ROBO1: variants seen among roughly 807,000 people sequenced by gnomAD.
ROBO1 encodes roundabout homolog 1.
In ROBO1, 149 loss-of-function variants were observed where a neutral mutation model predicts 195.9. That is an observed-to-expected ratio of 0.76 (90% CI 0.67 to 0.87). ROBO1 has a LOEUF of 0.87. Ranked by LOEUF, ROBO1 falls within the 40% of genes least tolerant of loss-of-function variation. ROBO1 has a pLI of 0.00. For missense variants in ROBO1, 1,933 were observed against 2,068.3 expected (o/e 0.93, Z 1.27); for synonymous variants, 816 against 733.2 (o/e 1.11, Z -1.82).
chr3:78,916,602 G>GT (rs1447397790), intron 4 of ROBO1, among the ~76,000 whole-genome samples: 1 of 150,596 alleles, frequency 6.6e-6, no homozygotes. Context: ...AAGCAATACT[G>GT]TTTTTTTATT....
intron 2 of ROBO1, among the ~76,000 whole-genome samples, chr3:79,525,973 A>G (rs2107596098): frequency 6.6e-6 from 1 of 152,278 alleles, no homozygotes; most frequent in African/African-American, 2.4e-5. Flanking sequence ...TAAAGATAAG[A>G]GTATGCAACT....
At chr3:79,036,233 C>A (rs1576596151) in intron 3 of ROBO1, among the ~76,000 whole-genome samples, 1 of 151,932 alleles carries the variant, frequency 6.6e-6, no homozygotes, top group Admixed American at 6.6e-5. Context: ...TCTTTCTTTT[C>A]TCTTCTTTAC....
intron 2 of ROBO1, among the ~76,000 whole-genome samples, chr3:79,154,063 T>C (rs2080816832): frequency 1.3e-5 from 2 of 151,868 alleles, no homozygotes; most frequent in African/African-American, 2.4e-5. Flanking sequence ...CTTTAACAAT[T>C]TCTTTCTCTA....
intron 4 of ROBO1, among the ~76,000 whole-genome samples, chr3:78,765,177 T>C (rs2108389297): frequency 6.6e-6 from 1 of 152,248 alleles, no homozygotes; most frequent in East Asian, 1.9e-4. Flanking sequence ...AGTTTCTATA[T>C]GCAGATCATG....
chr3:78,613,366 G>A (rs1406792538), intron 28 of ROBO1, among the ~76,000 whole-genome samples: 3 of 152,142 alleles, frequency 2.0e-5, no homozygotes, highest in Non-Finnish European at 2.9e-5. Context: ...ATGCCATTCT[G>A]GTGGTCCCAT....
intron 2 of ROBO1, among the ~76,000 whole-genome samples, chr3:79,139,380 C>T (rs1257243153): frequency 1.3e-5 from 2 of 151,998 alleles, no homozygotes; most frequent in Non-Finnish European, 1.5e-5. Flanking sequence ...ATTTTAAAAC[C>T]ATTTGTTTCC....
chr3:79,341,210 T>C (rs1461208257), intron 2 of ROBO1, among the ~76,000 whole-genome samples: 1 of 152,190 alleles, frequency 6.6e-6, no homozygotes, highest in African/African-American at 2.4e-5. Context: ...AAATGGAATT[T>C]CTGGTAGAGT....
intron 2 of ROBO1, among the ~76,000 whole-genome samples, chr3:79,498,073 C>CA (rs1939846487): frequency 6.6e-6 from 1 of 151,996 alleles, no homozygotes; most frequent in Non-Finnish European, 1.5e-5. Flanking sequence ...TTAGAATGAC[C>CA]AACACAGTAT....
chr3:79,355,998 G>A (rs577395454), intron 2 of ROBO1, among the ~76,000 whole-genome samples: 5 of 152,064 alleles, frequency 3.3e-5, no homozygotes, highest in South Asian at 4.2e-4. Context: ...TCATTTTTAC[G>A]CTTAAAAACT....
At chr3:78,796,924 A>G (rs1268733950) in intron 4 of ROBO1, among the ~76,000 whole-genome samples, 2 of 152,130 alleles carry the variant, frequency 1.3e-5, no homozygotes, top group Non-Finnish European at 2.9e-5. Flanking sequence ...ATGATTTGTA[A>G]TTTGACCCTT....
chr3:78,626,756 TACACACACAC>T (rs10608986), intron 26 of ROBO1, among the ~76,000 whole-genome samples: 96 of 146,546 alleles, frequency 6.6e-4, no homozygotes, highest in Non-Finnish European at 1.0e-3. Context: ...AGCACACACA[TACACACACAC>T]ACACACACAC....
At chr3:78,633,067 G>A (rs150190193) in intron 24 of ROBO1, among the ~76,000 whole-genome samples, 1 of 152,160 alleles carries the variant, frequency 6.6e-6, no homozygotes, top group Non-Finnish European at 1.5e-5. Context: ...AGGGAAAACT[G>A]TAAAATGCAA....
intron 1 of ROBO1, among the ~76,000 whole-genome samples, chr3:79,632,251 T>C (rs1050992561): frequency 1.3e-5 from 2 of 152,060 alleles, no homozygotes; most frequent in Non-Finnish European, 2.9e-5. Flanking sequence ...CAGCAATTGA[T>C]TGGAAAAAGA....
intron 8 of ROBO1, chr3:78,692,932 T>A (rs535206486): frequency 1.5e-4 from 24 of 158,286 alleles, no homozygotes; most frequent in Non-Finnish European, 2.6e-4. Context: ...ACAATAGTTA[T>A]AAAAACTCAG....
chr3:79,685,879 G>A (rs958506069), intron 1 of ROBO1, among the ~76,000 whole-genome samples: 1 of 152,104 alleles, frequency 6.6e-6, no homozygotes, highest in African/African-American at 2.4e-5. Flanking sequence ...TATGAGGCCA[G>A]CATCATCCTG....
chr3:79,096,476 C>A (rs2079568710), intron 3 of ROBO1, among the ~76,000 whole-genome samples: 1 of 151,600 alleles, frequency 6.6e-6, no homozygotes, highest in African/African-American at 2.4e-5. Flanking sequence ...TGATTTTACC[C>A]AAATATGTAA....
intron 3 of ROBO1, among the ~76,000 whole-genome samples, chr3:79,026,438 G>A (rs2078204892): frequency 6.6e-6 from 1 of 151,932 alleles, no homozygotes; most frequent in Non-Finnish European, 1.5e-5. Flanking sequence ...TTCATTTTGG[G>A]ACTCAATTCA....
At chr3:79,314,351 A>T (rs1482459098) in intron 2 of ROBO1, among the ~76,000 whole-genome samples, 1 of 152,154 alleles carries the variant, frequency 6.6e-6, no homozygotes, top group Non-Finnish European at 1.5e-5. Flanking sequence ...GTGGGAGGTC[A>T]TTGAATCATG....
intron 4 of ROBO1, among the ~76,000 whole-genome samples, chr3:78,755,374 TG>T (rs2082902930): frequency 6.6e-6 from 1 of 152,100 alleles, no homozygotes; most frequent in East Asian, 1.9e-4. Flanking sequence ...GTGGGGAGAC[TG>T]AGGTAGGAGG....
Sources: gnomAD v4.1 joint callset for allele counts (sites outside exome capture counted in the v4.1 genomes callset) on GRCh38, gnomAD v4.1.1 for gene constraint, MANE v1.5 for transcripts, NCBI Gene and HGNC (gene_info 2026-07-23, HGNC 2026-07-21) for gene names.